STX5: variants seen among roughly 807,000 people sequenced by gnomAD.
STX5 encodes syntaxin-5.
A neutral mutation model predicts 42.9 loss-of-function variants in STX5; 15 were observed. That is an observed-to-expected ratio of 0.35 (90% CI 0.23 to 0.54). The LOEUF is 0.54. STX5 is among the 20% of genes least tolerant of loss of function. The pLI is 0.91. For missense variants in STX5, 430 were observed against 455.0 expected (o/e 0.95, Z 0.50); for synonymous variants, 184 against 173.2 (o/e 1.06, Z -0.49).
At chr11:62,827,111 G>A in intron 5 of STX5, 44 bp downstream of exon 5, 1 of 1,571,558 alleles carries the variant, frequency 6.4e-7, no homozygotes, top group Non-Finnish European at 8.7e-7. Context: ...AGACAGAAGT[G>A]ATCTGATTGG....
At chr11:62,819,063 CA>C (rs1304921309) in intron 10 of STX5, among the ~76,000 whole-genome samples, 5 of 147,852 alleles carry the variant, frequency 3.4e-5, no homozygotes, top group Non-Finnish European at 6.0e-5. Context: ...ACTAAAAATA[CA>C]AAAAAAATTA....
rs1232989244 is a variant in STX5 at position 62,815,534 on chromosome 11, GT to G, written c.909-7907del. ...TTTTCATAGATAGGATAACGGCGTGGTTTTTTTTTTTTTATTTTTTGAGACA... is the reference window on the plus strand; with the variant it reads ...TTTTCATAGATAGGATAACGGCGTGGTTTTTTTTTTTTATTTTTTGAGACA... On this transcript the variant is annotated intron_variant, in intron 10 of 10. Transcript: ENST00000294179. 2.0e-3 allele frequency among the ~76,000 whole-genome samples: 282 copies of G among 143,626 alleles called. 1 individual carries two copies. Among genetic ancestry groups the G allele is most frequent in the East Asian group, 0.018 (92 of 5,000 alleles). The allele number at this position is 143,626 out of a possible 152,430, so 94.2% of individuals were successfully genotyped here.
chr11:62,825,544 T>A lies in STX5; in HGVS notation c.424-5A>T, dbSNP rs1357490350. 2 of 1,612,944 alleles carry A rather than the reference T, an allele frequency of 1.2e-6. No individual in the cohort carries two copies. The highest frequency in any genetic ancestry group is 1.7e-6 in the Non-Finnish European group (2 of 1,179,732). On this transcript the variant is annotated splice_region_variant and splice_polypyrimidine_tract_variant and intron_variant, in intron 5 of 10. Coordinates refer to ENST00000294179, the MANE Select transcript of STX5 (RefSeq NM_003164.5). ...TTTGTTGAGGCTATTGATGTCCTGG[T>A]AAAAGAGTCCAAGGAAAAACAAAGT... is the stretch of plus-strand genomic sequence containing the variant.
At chr11:62,819,164 T>C (rs1330570723) in intron 10 of STX5, among the ~76,000 whole-genome samples, 2 of 120,952 alleles carry the variant, frequency 1.7e-5, no homozygotes, top group Non-Finnish European at 3.2e-5. Flanking sequence ...GAGCTTGCAG[T>C]AAGCCGAGAT....
intron 5 of STX5, among the ~76,000 whole-genome samples, chr11:62,826,256 A>C (rs1369104044): frequency 2.6e-5 from 4 of 151,574 alleles, no homozygotes; most frequent in Admixed American, 6.6e-5. Context: ...TCCGTCTTAA[A>C]AAAAAAAAAA....
intron 10 of STX5, among the ~76,000 whole-genome samples, chr11:62,813,119 C>A (rs963535020): frequency 2.0e-5 from 3 of 146,924 alleles, no homozygotes; most frequent in Non-Finnish European, 4.5e-5. Context: ...AAAAATCAGT[C>A]AATTATTAGC....
At chr11:62,809,712 A>G (rs1215117500) in intron 10 of STX5, among the ~76,000 whole-genome samples, 1 of 137,930 alleles carries the variant, frequency 7.3e-6, no homozygotes, top group Non-Finnish European at 1.6e-5. Context: ...AAAAGACATT[A>G]TGGCTGTTCA....
intron 9 of STX5, 25 bp from the exon 10 acceptor site, chr11:62,824,312 G>C: frequency 6.2e-7 from 1 of 1,614,148 alleles, no homozygotes; most frequent in South Asian, 1.1e-5. Context: ...GAGAGCACAT[G>C]AGCACCAACA....
At chr11:62,830,664 T>C (rs1351013332) in intron 2 of STX5, 3 of 487,180 alleles carry the variant, frequency 6.2e-6, no homozygotes, top group African/African-American at 5.9e-5. Flanking sequence ...AGCAAACTTA[T>C]GGTAGAAGTA....
intron 10 of STX5, among the ~76,000 whole-genome samples, chr11:62,811,020 A>G (rs1353833149): frequency 1.3e-5 from 2 of 152,178 alleles, no homozygotes; most frequent in African/African-American, 4.8e-5. Context: ...ACCACTCCTT[A>G]AAATTCTTCT....
chr11:62,820,269 G>C (rs1487136132), intron 10 of STX5, among the ~76,000 whole-genome samples: 1 of 151,186 alleles, frequency 6.6e-6, no homozygotes, highest in African/African-American at 2.4e-5. Context: ...CTACTCGGGA[G>C]GCTGAGGCAG....
intron 10 of STX5, among the ~76,000 whole-genome samples, chr11:62,808,775 T>C (rs2134800834): frequency 6.6e-6 from 1 of 152,322 alleles, no homozygotes; most frequent in South Asian, 2.1e-4. Flanking sequence ...AGTGATTAAA[T>C]TGACATCAGC....
chr11:62,811,433 G>T (rs1241592342), intron 10 of STX5, among the ~76,000 whole-genome samples: 1 of 152,056 alleles, frequency 6.6e-6, no homozygotes, highest in Non-Finnish European at 1.5e-5. Flanking sequence ...GGTTATCTGT[G>T]ACCTGGCCTT....
At chr11:62,831,872 C>T (rs1489173249) in intron 1 of STX5, 82 bp downstream of exon 1, 10 of 455,972 alleles carry the variant, frequency 2.2e-5, no homozygotes, top group African/African-American at 4.0e-5. Context: ...TGATTCCCTT[C>T]CCCCCGCCAG....
chr11:62,828,738 T>C (rs1234842186), intron 2 of STX5, among the ~76,000 whole-genome samples: 67 of 121,422 alleles, frequency 5.5e-4, no homozygotes, highest in African/African-American at 1.7e-3. Flanking sequence ...AATAAATAAA[T>C]AAATAAATAA....
intron 10 of STX5, among the ~76,000 whole-genome samples, chr11:62,811,797 C>A (rs1392000049): frequency 1.3e-5 from 2 of 151,632 alleles, no homozygotes; most frequent in African/African-American, 2.4e-5. Flanking sequence ...TCATCCCCTT[C>A]TCTTCTTGCC....
intron 10 of STX5, among the ~76,000 whole-genome samples, chr11:62,815,038 T>C (rs1426647250): frequency 6.6e-6 from 1 of 151,958 alleles, no homozygotes; most frequent in Non-Finnish European, 1.5e-5. Context: ...AGATGGAGTC[T>C]TGCTCTCTTG....
At chr11:62,827,080 T>C (rs2084804285) in intron 5 of STX5, 75 bp downstream of exon 5, 9 of 1,429,580 alleles carry the variant, frequency 6.3e-6, no homozygotes, top group African/African-American at 1.4e-5. Context: ...TGGGTCCCCA[T>C]GGCAATGGAA....
chr11:62,812,229 C>T (rs1054112478), intron 10 of STX5, among the ~76,000 whole-genome samples: 17 of 151,802 alleles, frequency 1.1e-4, no homozygotes, highest in Middle Eastern at 3.4e-3. Context: ...AGGCATGCGC[C>T]ACCATGCCTG....
Sources: gnomAD v4.1 joint callset for allele counts (sites outside exome capture counted in the v4.1 genomes callset) on GRCh38, gnomAD v4.1.1 for gene constraint, MANE v1.5 for transcripts, NCBI Gene and HGNC (gene_info 2026-07-23, HGNC 2026-07-21) for gene names.